Variants in MAPT observed in about 807,000 individuals in gnomAD.
The protein encoded by MAPT is microtubule-associated protein tau.
Under a neutral mutation model 67.9 loss-of-function variants are expected in MAPT, and 34 were observed. The ratio of observed to expected loss-of-function variants is 0.50; its 90% confidence interval spans 0.38 to 0.67. The LOEUF is 0.67. Among genes scored for constraint, MAPT ranks in the 30% least tolerant of loss-of-function variants. The pLI, the probability that MAPT is intolerant of heterozygous loss-of-function variation, is 0.00. For synonymous variants in MAPT, 456 were observed against 464.5 expected (o/e 0.98, Z 0.23); for missense variants, 881 against 1,115.2 (o/e 0.79, Z 2.99).
chr17:45,900,334 T>C (rs2063533069), intron 1 of MAPT, among the ~76,000 whole-genome samples: 1 of 152,200 alleles, frequency 6.6e-6, no homozygotes, highest in East Asian at 1.9e-4. Flanking sequence ...TCTGCCAGGT[T>C]CCCTGCCTGC....
Position 45,897,873 on chromosome 17 carries a change from C to CA in MAPT, c.-18+3188dup, listed in dbSNP as rs1282700229. On this transcript the variant is annotated intron_variant, in intron 1 of 12. Coordinates refer to ENST00000262410, the MANE Select transcript of MAPT (RefSeq NM_001377265.1). The surrounding 1 kb of genome is among the most constrained non-coding windows in gnomAD (Gnocchi z 5.0). ...TCGGCCCCTTAACTGACCCATCCTA[C>CA]AGGAGACAGGGAAATGTCTTTCCTA... The CA allele has an allele frequency of 6.6e-6, 1 of 152,210 alleles. No individual in the cohort carries two copies. Among genetic ancestry groups the CA allele is most frequent in the African/African-American group, 2.4e-5 (1 of 41,418 alleles). 9.4% of individuals were successfully genotyped at this position (152,210 alleles called of 1,614,324 possible).
At chr17:45,900,552 G>T (rs1009279638) in intron 1 of MAPT, among the ~76,000 whole-genome samples, 19 of 152,156 alleles carry the variant, frequency 1.2e-4, no homozygotes, top group African/African-American at 4.6e-4. Context: ...TCAGGGACCC[G>T]ATAGAAATCC....
intron 5 of MAPT, among the ~76,000 whole-genome samples, chr17:45,985,192 C>T (rs2073415859): frequency 6.6e-6 from 1 of 152,102 alleles, no homozygotes; most frequent in African/African-American, 2.4e-5. Context: ...GTAGTCCCAG[C>T]TACTGGGGAG....
chr17:45,920,713 T>G (rs1338698837), intron 1 of MAPT, among the ~76,000 whole-genome samples: 1 of 152,194 alleles, frequency 6.6e-6, no homozygotes, highest in Non-Finnish European at 1.5e-5. Flanking sequence ...CTGGGAATCC[T>G]GCAGATACAC....
In MAPT at chr17:45,995,372, T is replaced by C. The variant is rs2074386959; in HGVS notation, c.1733-1027T>C. 6.6e-6 allele frequency among the ~76,000 whole-genome samples: 1 copy of C among 152,330 alleles called. No homozygotes were observed. The highest frequency in any genetic ancestry group is 6.5e-5 in the Admixed American group (1 of 15,300). On this transcript the variant is annotated intron_variant, in intron 8 of 12. Transcript: ENST00000262410. The surrounding 1 kb of genome is among the most constrained non-coding windows in gnomAD (Gnocchi z 4.3). ...CTTTGCAGGTCCCACCCCTAGAGATTCTGCTCTATCCACTCTTGAAGGGGA... is the reference window on the plus strand; with the variant it reads ...CTTTGCAGGTCCCACCCCTAGAGATCCTGCTCTATCCACTCTTGAAGGGGA...
chr17:45,979,566 AC>A (rs1222197243), intron 4 of MAPT: 1 of 152,242 alleles, frequency 6.6e-6, no homozygotes, highest in African/African-American at 2.4e-5. Context: ...ACAGAAAGGC[AC>A]ATTTTCGTTC....
chr17:45,909,404 A>G (rs1007927133), intron 1 of MAPT, among the ~76,000 whole-genome samples: 2 of 152,128 alleles, frequency 1.3e-5, no homozygotes, highest in African/African-American at 4.8e-5. Flanking sequence ...ACAAATATTG[A>G]TCCAATCTGG....
intron 1 of MAPT, chr17:45,908,145 T>G (rs1179106671): frequency 2.6e-5 from 4 of 152,312 alleles, no homozygotes; most frequent in Admixed American, 1.3e-4. Context: ...ACCAGGCTGC[T>G]GCTTCATGGC....
intron 10 of MAPT, among the ~76,000 whole-genome samples, chr17:46,013,789 A>G (rs1406589478): frequency 6.6e-6 from 1 of 152,178 alleles, no homozygotes; most frequent in Non-Finnish European, 1.5e-5. Context: ...CTGCCTTTCC[A>G]GCAAGATTTT....
At chr17:45,909,341 A>C (rs1398440816) in intron 1 of MAPT, among the ~76,000 whole-genome samples, 1 of 152,152 alleles carries the variant, frequency 6.6e-6, no homozygotes, top group East Asian at 1.9e-4. Flanking sequence ...CCTGCCTCCT[A>C]CTGGGCCCAC....
intron 11 of MAPT, among the ~76,000 whole-genome samples, chr17:46,014,685 T>C (rs1187342623): frequency 3.9e-5 from 6 of 152,022 alleles, no homozygotes; most frequent in South Asian, 2.1e-4. Context: ...CCATCCTGGC[T>C]AACACAGTGA....
At position 45,941,672 on chromosome 17, in the gene MAPT, C is replaced by A. The variant is rs1212563764; in HGVS notation, c.-17-20649C>A. Among the ~76,000 whole-genome samples the A allele has an allele frequency of 3.1e-3, 65 of 21,302 alleles. 2 individuals are homozygous for A. The highest frequency in any genetic ancestry group is 7.0e-3 in the African/African-American group (63 of 8,986). The allele number at this position is 21,302 out of a possible 152,430, so 14.0% of individuals were successfully genotyped here. On this transcript the variant is annotated intron_variant, in intron 1 of 12. Coordinates refer to ENST00000262410, the MANE Select transcript of MAPT (RefSeq NM_001377265.1). ...CCCCCTTCCACCCTTCCCCCCTTCC[C>A]CCCTTCCCTCCTTCCTTCCTTCCTT... is the stretch of plus-strand genomic sequence containing the variant.
intron 1 of MAPT, among the ~76,000 whole-genome samples, chr17:45,930,172 G>A (rs1434875598): frequency 9.2e-5 from 14 of 152,186 alleles, no homozygotes; most frequent in Admixed American, 9.2e-4. Context: ...GGCCAAGACA[G>A]ATTGATCACT....
chr17:45,994,732 A>G (rs2074338658), intron 8 of MAPT, among the ~76,000 whole-genome samples: 2 of 152,178 alleles, frequency 1.3e-5, no homozygotes, highest in Admixed American at 1.3e-4. Flanking sequence ...GCGGTGGCTC[A>G]TGCCTATAAT....
rs114635790 is a variant in MAPT at position 45,991,482 on chromosome 17, T to C, written c.1628T>C (p.Ile543Thr). 4.0e-4 allele frequency: 646 copies of C among 1,614,142 alleles called. 4 individuals are homozygous for C. In the African/African-American group the frequency reaches 6.8e-3, roughly 17 times the overall value. The part of the protein sequence containing the change: ...KLKGADGKTK[I>T]ATPRGAAPPG... ...CAGGGGGCTGATGGTAAAACGAAGA[T>C]CGCCACACCGCGGGGAGCAGCCCCT... Residue 543 changes from isoleucine (I) to threonine (T), a missense_variant, in exon 8 of 13, where the codon ATC becomes ACC. Around this residue, in one of 6 missense-constraint regions of MAPT, gnomAD observed 687 missense variants for 766.1 expected, o/e 0.90. Transcript: ENST00000262410.
chr17:45,907,228 C>A (rs1012048470), intron 1 of MAPT, among the ~76,000 whole-genome samples: 1 of 152,178 alleles, frequency 6.6e-6, no homozygotes, highest in Non-Finnish European at 1.5e-5. Flanking sequence ...CTGCCCCTTG[C>A]TCACCCATGG....
At chr17:45,961,784 T>C (rs903578115) in intron 1 of MAPT, among the ~76,000 whole-genome samples, 5 of 151,538 alleles carry the variant, frequency 3.3e-5, no homozygotes, top group African/African-American at 1.2e-4. Flanking sequence ...TGTTTTTTTT[T>C]TTTTGTTTTG....
chr17:45,967,992 C>T (rs898150131), intron 2 of MAPT, among the ~76,000 whole-genome samples: 6 of 152,116 alleles, frequency 3.9e-5, no homozygotes, highest in African/African-American at 1.4e-4. Flanking sequence ...CAGATCTCCT[C>T]ACCACAAACC....
At chr17:46,022,388 T>C (rs543588220) in intron 12 of MAPT, among the ~76,000 whole-genome samples, 3 of 148,218 alleles carry the variant, frequency 2.0e-5, no homozygotes, top group Non-Finnish European at 3.0e-5. Context: ...AAATACAGTA[T>C]ACAGTAATAG....
Sources: gnomAD v4.1 joint callset for allele counts (sites outside exome capture counted in the v4.1 genomes callset) on GRCh38, gnomAD v4.1.1 for gene constraint, gnomAD v4.1.1 regional missense constraint, Gnocchi (gnomAD v3.1) non-coding constraint, MANE v1.5 for transcripts, NCBI Gene and HGNC (gene_info 2026-07-23, HGNC 2026-07-21) for gene names.